ASPH: variants seen among roughly 807,000 people sequenced by gnomAD.
ASPH encodes aspartate beta-hydroxylase.
ASPH carries 100 observed loss-of-function variants against 118.4 expected under a neutral mutation model. The ratio of observed to expected loss-of-function variants is 0.84; its 90% CI spans 0.72 to 1.00. The LOEUF is 1.00. Among genes scored for constraint, ASPH ranks in the 50% least tolerant of loss-of-function variants. ASPH has a pLI of 0.00. For missense variants in ASPH, 920 were observed against 919.5 expected (o/e 1.00, Z -0.01); for synonymous variants, 315 against 325.6 (o/e 0.97, Z 0.35).
At chr8:61,666,919 C>G (rs1819934068) in intron 3 of ASPH, among the ~76,000 whole-genome samples, 1 of 152,110 alleles carries the variant, frequency 6.6e-6, no homozygotes, top group Non-Finnish European at 1.5e-5. Flanking sequence ...AAAATTCAGT[C>G]TTTAATGTTT....
In ASPH at chr8:61,630,623, C is replaced by T. The variant is rs1855128181; in HGVS notation, c.934+3060G>A. The stretch of plus-strand genomic sequence containing the variant: ...GATGCATCTTAGCTTTCATAACGTC[C>T]CAGCACAACACATTACTCATGTGTG... On this transcript the variant is annotated intron_variant, in intron 13 of 24. Transcript: ENST00000379454. 2.6e-5 allele frequency among the ~76,000 whole-genome samples: 4 copies of T among 152,020 alleles called. No individual in the cohort carries two copies. The South Asian group carries it at 8.3e-4, about 32-fold the overall frequency.
rs1202033446 is a variant in ASPH at position 61,503,242 on chromosome 8, G to A, written c.*117C>T. ...CCTAGGAGGAGGCTTTGAATTACTC[G>A]GGCTGCAAGTCAAGGGAATTGACTC... On this transcript the variant is annotated 3_prime_UTR_variant, in exon 25 of 25. Transcript: ENST00000379454. The A allele has an allele frequency of 5.7e-6, 7 of 1,234,522 alleles. No individual in the cohort carries two copies. Among genetic ancestry groups the A allele is most frequent in the Middle Eastern group, 2.9e-4 (1 of 3,486 alleles). The allele number at this position is 1,234,522 out of a possible 1,614,324, so 76.5% of individuals were successfully genotyped here. A position where few individuals can be genotyped will look rare whatever the true frequency, so the allele number is the denominator to read the frequency against.
chr8:61,578,236 T>C (rs7815401), intron 15 of ASPH: 1,358,910 of 1,571,048 alleles, frequency 0.86, 589,445 homozygotes, highest in African/African-American at 0.91. Context: ...ATCAGGGTGA[T>C]CCAGAAGTCC....
At chr8:61,702,143 G>A (rs2151870429) in intron 1 of ASPH, among the ~76,000 whole-genome samples, 1 of 152,156 alleles carries the variant, frequency 6.6e-6, no homozygotes, top group Non-Finnish European at 1.5e-5. Flanking sequence ...CCTAACTCAA[G>A]AAGACACAGA....
chr8:61,625,786 G>A, intron 13 of ASPH: 1 of 985,994 alleles, frequency 1.0e-6, no homozygotes, highest in Non-Finnish European at 1.2e-6. Flanking sequence ...GATGATCTCT[G>A]TTAGCGTTTT....
chr8:61,511,395 G>A (rs932844883), intron 24 of ASPH, among the ~76,000 whole-genome samples: 2 of 152,268 alleles, frequency 1.3e-5, no homozygotes, highest in Middle Eastern at 3.4e-3. Context: ...ATCTGCAGGA[G>A]AGCTCCAAGG....
At chr8:61,688,888 C>T (rs757294737) in intron 1 of ASPH, among the ~76,000 whole-genome samples, 4 of 152,098 alleles carry the variant, frequency 2.6e-5, no homozygotes, top group Non-Finnish European at 4.4e-5. Context: ...GTCAAGTGAC[C>T]CATTCTCACC....
In ASPH at chr8:61,503,364, T is replaced by C; in HGVS notation, c.2272A>G (p.Ile758Val). ...TPQQRRSLPA[I>V] ...CAAGCTTGCATGAATTCATGCTAAATTGCTGGAAGGCTGCGTCTCTGCTGT... is the reference window on the plus strand; with the variant it reads ...CAAGCTTGCATGAATTCATGCTAAACTGCTGGAAGGCTGCGTCTCTGCTGT... Residue 758 changes from isoleucine (I) to valine (V), a missense_variant, in exon 25 of 25, where the codon ATT becomes GTT. Ile to Val is a conservative substitution (Grantham distance 29, BLOSUM62 3). Coordinates refer to ENST00000379454, the MANE Select transcript of ASPH (RefSeq NM_004318.4). 1.2e-6 allele frequency: 2 copies of C among 1,603,838 alleles called. No individual in the cohort carries two copies. Among genetic ancestry groups the C allele is most frequent in the Non-Finnish European group, 1.7e-6 (2 of 1,174,104 alleles).
At chr8:61,535,229 T>A (rs997317087) in intron 21 of ASPH, among the ~76,000 whole-genome samples, 15 of 152,200 alleles carry the variant, frequency 9.9e-5, no homozygotes, top group African/African-American at 3.4e-4. Context: ...AACACTTATA[T>A]AGCTTCAAGT....
chr8:61,559,299 C>T (rs780721641), intron 18 of ASPH, among the ~76,000 whole-genome samples: 1 of 152,090 alleles, frequency 6.6e-6, no homozygotes, highest in Non-Finnish European at 1.5e-5. Flanking sequence ...GTTTATGCTA[C>T]CCGGTGGCTT....
chr8:61,553,695 A>T (rs1423815551), intron 19 of ASPH, among the ~76,000 whole-genome samples: 8 of 152,112 alleles, frequency 5.3e-5, no homozygotes, highest in Admixed American at 3.9e-4. Flanking sequence ...ATTCTAAAAC[A>T]TTTACCTAAT....
At chr8:61,574,759 G>A (rs555868836) in intron 16 of ASPH, among the ~76,000 whole-genome samples, 1 of 152,208 alleles carries the variant, frequency 6.6e-6, no homozygotes, top group African/African-American at 2.4e-5. Context: ...ATGGGTTGAT[G>A]GGTGCAGCAA....
intron 16 of ASPH, among the ~76,000 whole-genome samples, chr8:61,570,958 A>G (rs1342837986): frequency 6.6e-6 from 1 of 152,224 alleles, no homozygotes; most frequent in East Asian, 1.9e-4. Flanking sequence ...GAAAAAGACA[A>G]TATCAGTGCT....
At chr8:61,518,869 T>C (rs1811894256) in intron 22 of ASPH, among the ~76,000 whole-genome samples, 1 of 152,220 alleles carries the variant, frequency 6.6e-6, no homozygotes, top group Non-Finnish European at 1.5e-5. Flanking sequence ...ATAGGTCCCA[T>C]GGTGTTATTC....
intron 3 of ASPH, among the ~76,000 whole-genome samples, chr8:61,676,821 C>T (rs554746814): frequency 2.6e-5 from 4 of 152,034 alleles, no homozygotes; most frequent in African/African-American, 9.7e-5. Flanking sequence ...TCCCCTCCCC[C>T]CACCACCACC....
At chr8:61,535,198 G>C (rs1445088135) in intron 21 of ASPH, among the ~76,000 whole-genome samples, 1 of 152,118 alleles carries the variant, frequency 6.6e-6, no homozygotes. Flanking sequence ...AGGAATTGTG[G>C]GAAGCAACAG....
chr8:61,527,076 C>T (rs1245666158), intron 21 of ASPH, among the ~76,000 whole-genome samples: 2 of 152,116 alleles, frequency 1.3e-5, no homozygotes, highest in African/African-American at 4.8e-5. Context: ...CAGGGAGGAA[C>T]ATGTTAGCTG....
At chr8:61,606,909 T>C (rs1021445685) in intron 14 of ASPH, 1 of 193,484 alleles carries the variant, frequency 5.2e-6, no homozygotes, top group Admixed American at 5.8e-5. Flanking sequence ...ATCCTTGTCA[T>C]TAGACATACT....
intron 3 of ASPH, chr8:61,663,729 A>G: frequency 1.0e-6 from 1 of 971,968 alleles, no homozygotes; most frequent in Non-Finnish European, 1.2e-6. Context: ...TTTAAGCAAT[A>G]AAATAACAGG....
Sources: gnomAD v4.1 joint callset for allele counts (sites outside exome capture counted in the v4.1 genomes callset) on GRCh38, gnomAD v4.1.1 for gene constraint, MANE v1.5 for transcripts, NCBI Gene and HGNC (gene_info 2026-07-23, HGNC 2026-07-21) for gene names.